The following PLD1 variants were observed in gnomAD, a reference collection of about 807,000 sequenced individuals.
PLD1 encodes the protein choline phosphatase 1.
A neutral mutation model predicts 137.1 loss-of-function variants in PLD1; 112 were observed. That is an observed-to-expected ratio of 0.82 (90% confidence interval 0.70 to 0.96). PLD1 has a LOEUF of 0.96. Among genes scored for constraint, PLD1 ranks in the 40% least tolerant of loss-of-function variants. The pLI is 0.00. For missense variants in PLD1, 1,321 were observed against 1,342.0 expected, an observed-to-expected ratio of 0.98 and a Z score of 0.24; for synonymous variants, 431 against 454.7, an observed-to-expected ratio of 0.95 and a Z score of 0.66.
chr3:171,603,717 A>C (rs1224192143), intron 26 of PLD1, among the ~76,000 whole-genome samples: 2 of 152,200 alleles, frequency 1.3e-5, no homozygotes, highest in African/African-American at 4.8e-5. Flanking sequence ...TGTAACACTT[A>C]CTTTGCTGGT....
intron 19 of PLD1, among the ~76,000 whole-genome samples, chr3:171,671,791 G>A (rs1712788730): frequency 6.6e-6 from 1 of 151,770 alleles, no homozygotes; most frequent in Non-Finnish European, 1.5e-5. Flanking sequence ...ATCTGTCCAT[G>A]GAAATCTTTG....
At chr3:171,730,188 T>C (rs1469725831) in intron 6 of PLD1, among the ~76,000 whole-genome samples, 1 of 152,232 alleles carries the variant, frequency 6.6e-6, no homozygotes, top group African/African-American at 2.4e-5. Context: ...ACTAATACAA[T>C]TTCAGAATAC....
chr3:171,613,720 G>C (rs189769914), intron 24 of PLD1, among the ~76,000 whole-genome samples: 1 of 152,028 alleles, frequency 6.6e-6, no homozygotes, highest in African/African-American at 2.4e-5. Flanking sequence ...CAAGTGAGCT[G>C]AGAATGTTGA....
chr3:171,786,963 C>G (rs1336555456), intron 1 of PLD1, among the ~76,000 whole-genome samples: 1 of 152,130 alleles, frequency 6.6e-6, no homozygotes, highest in African/African-American at 2.4e-5. Context: ...TGCTTTAAAC[C>G]TTCAGTCTCT....
intron 21 of PLD1, among the ~76,000 whole-genome samples, chr3:171,656,201 T>A (rs1244564860): frequency 6.7e-6 from 1 of 149,716 alleles, no homozygotes; most frequent in Non-Finnish European, 1.5e-5. Context: ...GACAGAGTCT[T>A]GGTCTGTCAC....
chr3:171,647,370 T>C (rs1016226637), intron 21 of PLD1, among the ~76,000 whole-genome samples: 1 of 152,160 alleles, frequency 6.6e-6, no homozygotes, highest in African/African-American at 2.4e-5. Context: ...TTTCTTTAAA[T>C]AAAATTATAT....
At chr3:171,725,665 G>A (rs1718448441) in intron 7 of PLD1, among the ~76,000 whole-genome samples, 2 of 152,164 alleles carry the variant, frequency 1.3e-5, no homozygotes, top group Admixed American at 6.5e-5. Context: ...ATCAAAATGA[G>A]TAGTAAACAT....
intron 21 of PLD1, among the ~76,000 whole-genome samples, chr3:171,646,385 A>T (rs1353307378): frequency 6.6e-6 from 1 of 152,158 alleles, no homozygotes; most frequent in East Asian, 1.9e-4. Flanking sequence ...GGGGGATCAG[A>T]TTTTATTACT....
intron 24 of PLD1, among the ~76,000 whole-genome samples, chr3:171,618,181 C>G (rs1440558254): frequency 6.6e-6 from 1 of 152,156 alleles, no homozygotes; most frequent in African/African-American, 2.4e-5. Flanking sequence ...AGGGCCATAT[C>G]CTCAGTTTCA....
chr3:171,752,657 T>C (rs1045817833), intron 1 of PLD1, among the ~76,000 whole-genome samples: 7 of 152,188 alleles, frequency 4.6e-5, no homozygotes, highest in African/African-American at 1.7e-4. Flanking sequence ...TCAAATCTGA[T>C]CTCTCTCATA....
At chr3:171,626,757 T>C (rs1415759544) in intron 23 of PLD1, among the ~76,000 whole-genome samples, 3 of 149,274 alleles carry the variant, frequency 2.0e-5, no homozygotes, top group Admixed American at 2.0e-4. Context: ...AAACTAAGCT[T>C]CATAAGTGAA....
At chr3:171,647,647 C>T (rs1051891661) in intron 21 of PLD1, among the ~76,000 whole-genome samples, 1 of 152,054 alleles carries the variant, frequency 6.6e-6, no homozygotes, top group African/African-American at 2.4e-5. Context: ...CGGGGTTTCT[C>T]CATGTTGGTC....
At chr3:171,603,354 T>G in intron 26 of PLD1, 52 bp from the exon 27 acceptor site, 2 of 1,195,608 alleles carry the variant, frequency 1.7e-6, no homozygotes, top group Non-Finnish European at 2.5e-6. Flanking sequence ...AGCGAGCACA[T>G]GGCCTTTATG....
At chr3:171,734,406 A>G (rs1252365494) in intron 5 of PLD1, among the ~76,000 whole-genome samples, 1 of 152,256 alleles carries the variant, frequency 6.6e-6, no homozygotes, top group Admixed American at 6.5e-5. Flanking sequence ...TTTCTGTCCC[A>G]GTGCTGTGCC....
At chr3:171,741,458 T>C (rs1719764616) in intron 1 of PLD1, among the ~76,000 whole-genome samples, 1 of 152,168 alleles carries the variant, frequency 6.6e-6, no homozygotes, top group Admixed American at 6.5e-5. Flanking sequence ...AAATAATCTA[T>C]AATAGGGGGT....
chr3:171,650,869 A>C (rs920322071), intron 21 of PLD1, among the ~76,000 whole-genome samples: 4 of 152,084 alleles, frequency 2.6e-5, no homozygotes, highest in African/African-American at 9.7e-5. Context: ...ACTGCACTCC[A>C]GCAGCCCGGG....
intron 1 of PLD1, among the ~76,000 whole-genome samples, chr3:171,777,700 C>G (rs1013203868): frequency 1.3e-5 from 2 of 152,164 alleles, no homozygotes; most frequent in Non-Finnish European, 2.9e-5. Flanking sequence ...GCCCTTCCCC[C>G]TCCTCGACAG....
rs144109367 is a variant in PLD1 at position 171,662,075 on chromosome 3, G to C, written c.2325C>G (p.His775Gln). The change falls in exon 20 of 27, where the codon CAC becomes CAG. Residue 775 changes from histidine (H) to glutamine (Q), a missense_variant. By Grantham distance (24) the His-to-Gln change is conservative. Coordinates refer to ENST00000351298, the MANE Select transcript of PLD1 (RefSeq NM_002662.5). The stretch of plus-strand genomic sequence containing the variant: ...CAAGACTTACTTCGATATAGATATA[G>C]TGCCTGCTGTTCTCTATCACATGGA... ...AYVHVIENSR[H>Q]YIYIENQFFI... 6.3e-7 allele frequency: 1 copy of C among 1,596,504 alleles called. No homozygotes were observed. Among genetic ancestry groups the C allele is most frequent in the Non-Finnish European group, 8.6e-7 (1 of 1,164,006 alleles).
intron 1 of PLD1, among the ~76,000 whole-genome samples, chr3:171,775,581 G>A (rs1169686467): frequency 6.6e-6 from 1 of 151,938 alleles, no homozygotes; most frequent in African/African-American, 2.4e-5. Context: ...AGTGGCTCAC[G>A]TCTGTGATCC....
Sources: gnomAD v4.1 joint callset for allele counts (sites outside exome capture counted in the v4.1 genomes callset) on GRCh38, gnomAD v4.1.1 for gene constraint, MANE v1.5 for transcripts, NCBI Gene and HGNC (gene_info 2026-07-23, HGNC 2026-07-21) for gene names.